Variants in FBXL17 observed in about 807,000 individuals in gnomAD.
FBXL17 encodes F-box/LRR-repeat protein 17.
FBXL17 carries 22 observed loss-of-function variants against 66.2 expected under a neutral mutation model. That is an observed-to-expected ratio of 0.33 (90% CI 0.24 to 0.47). The LOEUF (loss-of-function observed/expected upper bound fraction) is 0.47, where lower values mean the gene tolerates loss of function less well. Among genes scored for constraint, FBXL17 ranks in the 20% least tolerant of loss-of-function variants. FBXL17 has a pLI of 1.00. For missense variants in FBXL17, 878 were observed against 948.2 expected (o/e 0.93, Z 0.97); for synonymous variants, 474 against 400.5 (o/e 1.18, Z -2.19).
At chr5:108,260,229 G>C (rs1756756241) in intron 4 of FBXL17, among the ~76,000 whole-genome samples, 1 of 151,986 alleles carries the variant, frequency 6.6e-6, no homozygotes, top group African/African-American at 2.4e-5. Context: ...AGTAATATGG[G>C]GCAGCTTAAG....
At chr5:107,984,940 T>G (rs1752961683) in intron 7 of FBXL17, among the ~76,000 whole-genome samples, 1 of 152,208 alleles carries the variant, frequency 6.6e-6, no homozygotes, top group African/African-American at 2.4e-5. Context: ...GAGTGAAAAC[T>G]TTATACCTAC....
intron 6 of FBXL17, among the ~76,000 whole-genome samples, chr5:108,052,557 A>C (rs1747526181): frequency 6.6e-6 from 1 of 152,198 alleles, no homozygotes; most frequent in Non-Finnish European, 1.5e-5. Flanking sequence ...GACAATACAA[A>C]CAAATAGAAA....
chr5:108,087,675 C>A (rs1015564251), intron 6 of FBXL17, among the ~76,000 whole-genome samples: 6 of 151,976 alleles, frequency 3.9e-5, no homozygotes, highest in Admixed American at 3.9e-4. Flanking sequence ...CATATTATAA[C>A]ACACTTTCAC....
intron 4 of FBXL17, among the ~76,000 whole-genome samples, chr5:108,238,604 A>T (rs1486874066): frequency 2.6e-5 from 4 of 152,076 alleles, no homozygotes; most frequent in African/African-American, 9.7e-5. Flanking sequence ...TTCACTTCCC[A>T]GGCTCCGGTA....
intron 4 of FBXL17, among the ~76,000 whole-genome samples, chr5:108,234,264 G>A (rs1362263681): frequency 1.3e-5 from 2 of 152,108 alleles, no homozygotes; most frequent in Admixed American, 1.3e-4. Flanking sequence ...TTGCCACCGG[G>A]TTGAAGAGAG....
At chr5:108,191,018 G>T (rs560243906) in intron 5 of FBXL17, among the ~76,000 whole-genome samples, 1 of 152,248 alleles carries the variant, frequency 6.6e-6, no homozygotes, top group East Asian at 1.9e-4. Flanking sequence ...TACATTAAAT[G>T]GACCCATAGG....
chr5:108,249,663 C>G (rs916196292), intron 4 of FBXL17, among the ~76,000 whole-genome samples: 1 of 152,096 alleles, frequency 6.6e-6, no homozygotes, highest in African/African-American at 2.4e-5. Flanking sequence ...GGAATGTTAT[C>G]TTCTGGGTTT....
At chr5:108,092,119 T>G (rs1255664666) in intron 6 of FBXL17, among the ~76,000 whole-genome samples, 1 of 152,174 alleles carries the variant, frequency 6.6e-6, no homozygotes, top group Non-Finnish European at 1.5e-5. Context: ...CCACCAAAAA[T>G]TAACTAGTGT....
intron 7 of FBXL17, among the ~76,000 whole-genome samples, chr5:107,971,483 C>T (rs1406414214): frequency 6.6e-6 from 1 of 152,140 alleles, no homozygotes; most frequent in Non-Finnish European, 1.5e-5. Flanking sequence ...TAAAACTATG[C>T]TATTTTTTAT....
chr5:108,270,776 T>C (rs1561498625), intron 4 of FBXL17, among the ~76,000 whole-genome samples: 1 of 152,162 alleles, frequency 6.6e-6, no homozygotes, highest in East Asian at 1.9e-4. Context: ...GACAGTTATG[T>C]TAACAGTTTT....
chr5:107,983,233 TAA>T (rs1752890179), intron 7 of FBXL17, among the ~76,000 whole-genome samples: 1 of 152,140 alleles, frequency 6.6e-6, no homozygotes, highest in African/African-American at 2.4e-5. Flanking sequence ...TTGTTTGAGA[TAA>T]GAGTCTCACT....
intron 6 of FBXL17, among the ~76,000 whole-genome samples, chr5:108,142,833 G>GT (rs1484804191): frequency 2.0e-5 from 3 of 152,012 alleles, no homozygotes; most frequent in African/African-American, 7.3e-5. Flanking sequence ...AGCAGCAGGG[G>GT]CATAAGATTC....
chr5:108,169,111 C>G (rs1490234265), intron 6 of FBXL17, among the ~76,000 whole-genome samples: 2 of 152,080 alleles, frequency 1.3e-5, no homozygotes, highest in East Asian at 3.9e-4. Flanking sequence ...TACACTTCTC[C>G]CCCTCTAACA....
At chr5:108,071,367 A>C (rs1034985004) in intron 6 of FBXL17, among the ~76,000 whole-genome samples, 1 of 152,226 alleles carries the variant, frequency 6.6e-6, no homozygotes, top group Non-Finnish European at 1.5e-5. Flanking sequence ...TTGAAAAATC[A>C]AGAGCTCTAT....
At chr5:108,303,861 T>C (rs893540996) in intron 4 of FBXL17, among the ~76,000 whole-genome samples, 1 of 151,988 alleles carries the variant, frequency 6.6e-6, no homozygotes, top group Non-Finnish European at 1.5e-5. Flanking sequence ...ATATTCAAAC[T>C]TTCTCATTTT....
chr5:108,208,529 T>G (rs756126726), intron 5 of FBXL17, among the ~76,000 whole-genome samples: 13 of 152,202 alleles, frequency 8.5e-5, no homozygotes, highest in Non-Finnish European at 1.6e-4. Context: ...TTTCTGCATA[T>G]GTTGTGCAGT....
intron 7 of FBXL17, among the ~76,000 whole-genome samples, chr5:107,907,615 C>T (rs1307405856): frequency 6.6e-6 from 1 of 151,982 alleles, no homozygotes; most frequent in Non-Finnish European, 1.5e-5. Flanking sequence ...ACAAACAACC[C>T]CATCAAAAAG....
At chr5:108,081,104 C>A (rs984395158) in intron 6 of FBXL17, among the ~76,000 whole-genome samples, 1 of 152,070 alleles carries the variant, frequency 6.6e-6, no homozygotes, top group East Asian at 1.9e-4. Context: ...TGACTCTACA[C>A]TAGAGTCAGT....
intron 6 of FBXL17, among the ~76,000 whole-genome samples, chr5:108,144,045 T>A (rs115350048): frequency 6.6e-6 from 1 of 152,036 alleles, no homozygotes; most frequent in Admixed American, 6.5e-5. Context: ...CTCACATTTA[T>A]ATGATGATGG....
Sources: allele counts gnomAD v4.1 joint callset (sites outside exome capture counted in the v4.1 genomes callset), GRCh38; gene constraint gnomAD v4.1.1; transcripts MANE v1.5; gene names NCBI Gene and HGNC (gene_info 2026-07-23, HGNC 2026-07-21).